Variants in WSCD2 observed in about 807,000 individuals in gnomAD.
The protein encoded by WSCD2 is WSC domain sialate O sulfotransferase 2, also known as sialate:O-sulfotransferase 2.
Under a neutral mutation model 55.7 loss-of-function variants are expected in WSCD2, and 28 were observed. The ratio of observed to expected loss-of-function variants is 0.50; its 90% CI spans 0.37 to 0.69. The LOEUF is 0.69. WSCD2 is among the 30% of genes least tolerant of loss of function. The pLI, the probability that WSCD2 is intolerant of heterozygous loss-of-function variation, is 0.00. For missense variants in WSCD2, 616 were observed against 762.1 expected (o/e 0.81, Z 2.26); for synonymous variants, 301 against 301.9 (o/e 1.00, Z 0.03).
At chr12:108,243,420 G>A (rs879263759) in intron 8 of WSCD2, among the ~76,000 whole-genome samples, 1 of 152,070 alleles carries the variant, frequency 6.6e-6, no homozygotes, top group Admixed American at 6.6e-5. Context: ...TGTATTTTTA[G>A]TAGAGACAGG....
chr12:108,198,331 G>A (rs942599027), intron 2 of WSCD2, among the ~76,000 whole-genome samples: 1 of 152,088 alleles, frequency 6.6e-6, no homozygotes, highest in Admixed American at 6.5e-5. Flanking sequence ...CCTTTGCCTG[G>A]AGTACCTCTA....
At position 108,248,065 on chromosome 12, in the gene WSCD2, A is replaced by G; in HGVS notation, c.1420A>G (p.Lys474Glu). ...ACTGGACTGGCTCAAGTTTGGCAAGAAGGTGCTGGTGGTGCACTTTGAGGA... is the reference window on the plus strand; with the variant it reads ...ACTGGACTGGCTCAAGTTTGGCAAGGAGGTGCTGGTGGTGCACTTTGAGGA... ...HTLDWLKFGK[K>E]VLVVHFEDLK... The change falls in exon 9 of 9, where the codon AAG becomes GAG. Residue 474 changes from lysine (K) to glutamate (E), a missense_variant. Lys to Glu is a moderately conservative substitution (Grantham distance 56). Transcript: ENST00000547525. This position sits in a 1 kb window ranked among gnomAD's most constrained non-coding sequence, Gnocchi z 4.3. 3.7e-6 allele frequency: 6 copies of G among 1,614,202 alleles called. No homozygotes were observed. Among genetic ancestry groups the G allele is most frequent in the Non-Finnish European group, 5.1e-6 (6 of 1,180,024 alleles).
chr12:108,177,924 T>C (rs897110899), intron 1 of WSCD2, among the ~76,000 whole-genome samples: 4 of 151,924 alleles, frequency 2.6e-5, no homozygotes, highest in African/African-American at 9.7e-5. Flanking sequence ...CCTGGGTGTG[T>C]ACATATGTGA....
rs201772868 is a variant in WSCD2, at chr12:108,248,008, A to G, written c.1363A>G (p.Arg455Gly). Reference protein sequence around the residue: ...WKGKEWPEFVRNYAPWWATHT... With the variant: ...WKGKEWPEFVGNYAPWWATHT... ...CTCTGCAGAGTGGCCAGAGTTCGTG[A>G]GGAACTATGCCCCGTGGTGGGCCAC... Residue 455 changes from arginine to glycine, a missense_variant, in exon 9 of 9, where the codon AGG becomes GGG. By Grantham distance (125) the Arg-to-Gly change is moderately radical. Transcript: ENST00000547525. This position sits in a 1 kb window ranked among gnomAD's most constrained non-coding sequence, Gnocchi z 4.3. 171 of 1,612,668 alleles carry G rather than the reference A, an allele frequency of 1.1e-4. No individual in the cohort carries two copies. The Middle Eastern group carries it at 1.8e-3, about 17-fold the overall frequency.
rs138523163 is a variant in WSCD2, at chr12:108,248,142, C to T, written c.1497C>T (p.Gly499=). 3.0e-4 allele frequency: 484 copies of T among 1,614,172 alleles called. 1 individual carries two copies. In the African/African-American group the frequency reaches 5.2e-3, roughly 17 times the overall value. ...VQLGRMVSLL[G]VAVREDRLLC... ...TGGGCCGGATGGTCAGCCTGCTGGG[C>T]GTGGCTGTCAGGGAGGACCGGCTGC... Residue 499 remains glycine, a synonymous_variant, in exon 9 of 9, where the codon GGC becomes GGT. Transcript: ENST00000547525. This position sits in a 1 kb window ranked among gnomAD's most constrained non-coding sequence, Gnocchi z 4.3.
intron 1 of WSCD2, among the ~76,000 whole-genome samples, chr12:108,162,343 G>A (rs1357889601): frequency 6.6e-6 from 1 of 152,096 alleles, no homozygotes; most frequent in Non-Finnish European, 1.5e-5. Context: ...TCAGACTCAC[G>A]GGTGGAATAA....
intron 1 of WSCD2, among the ~76,000 whole-genome samples, chr12:108,137,489 T>G (rs983915943): frequency 6.6e-6 from 1 of 151,996 alleles, no homozygotes; most frequent in African/African-American, 2.4e-5. Context: ...TGGTAGAGAG[T>G]GCACAGTGAC....
chr12:108,231,762 T>A (rs1888785871), intron 6 of WSCD2, among the ~76,000 whole-genome samples: 1 of 152,202 alleles, frequency 6.6e-6, no homozygotes, highest in Admixed American at 6.5e-5. Flanking sequence ...AAACACAATA[T>A]GGGCAGGGTT....
intron 1 of WSCD2, among the ~76,000 whole-genome samples, chr12:108,184,085 C>T (rs892448643): frequency 6.6e-6 from 1 of 152,212 alleles, no homozygotes; most frequent in Non-Finnish European, 1.5e-5. Context: ...CACCCTCCAC[C>T]TCCCCTTTAG....
chr12:108,218,664 A>G (rs1887122988), intron 4 of WSCD2, among the ~76,000 whole-genome samples: 1 of 152,190 alleles, frequency 6.6e-6, no homozygotes. Flanking sequence ...CTCTTAGAGG[A>G]TGCAAGGGTG....
intron 4 of WSCD2, among the ~76,000 whole-genome samples, chr12:108,220,831 C>T (rs1245613338): frequency 6.6e-6 from 1 of 152,132 alleles, no homozygotes; most frequent in Non-Finnish European, 1.5e-5. Context: ...ACTCACTGCA[C>T]CCTGCCAACA....
At position 108,248,446 on chromosome 12, in the gene WSCD2, G is replaced by A; in HGVS notation, c.*103G>A. ...CACTCATCTGTCCTCTCTTTGGTCT[G>A]GGGACAATCCCCTTGGCTGCTCTTT... On this transcript the variant is annotated 3_prime_UTR_variant, in exon 9 of 9. Transcript: ENST00000547525. This position sits in a 1 kb window ranked among gnomAD's most constrained non-coding sequence, Gnocchi z 4.3. The A allele has an allele frequency of 2.0e-6, 3 of 1,467,574 alleles. No individual in the cohort carries two copies. The highest frequency in any genetic ancestry group is 2.7e-6 in the Non-Finnish European group (3 of 1,110,454). The allele number at this position is 1,467,574 out of a possible 1,614,324, so 90.9% of individuals were successfully genotyped here.
chr12:108,178,944 C>T (rs1881280431), intron 1 of WSCD2, among the ~76,000 whole-genome samples: 1 of 152,192 alleles, frequency 6.6e-6, no homozygotes, highest in Non-Finnish European at 1.5e-5. Context: ...CTCACAACCT[C>T]TGAAGGAGAT....
chr12:108,248,208 A>G lies in WSCD2; in HGVS notation c.1563A>G (p.Ser521=). The G allele has an allele frequency of 6.2e-7, 1 of 1,614,218 alleles. No homozygotes were observed. The highest frequency in any genetic ancestry group is 8.5e-7 in the Non-Finnish European group (1 of 1,180,042). The change falls in exon 9 of 9, where the codon TCA becomes TCG. Residue 521 remains serine, a synonymous_variant. Coordinates refer to ENST00000547525, the MANE Select transcript of WSCD2 (RefSeq NM_014653.4). This position sits in a 1 kb window ranked among gnomAD's most constrained non-coding sequence, Gnocchi z 4.3. ...ESQKDGNFKR[S]GLRKLEYDPY... ...AGAAGGATGGCAACTTCAAGCGCTC[A>G]GGGCTCCGGAAGCTCGAGTATGACC...
At chr12:108,168,088 C>G (rs1310165603) in intron 1 of WSCD2, among the ~76,000 whole-genome samples, 2 of 152,210 alleles carry the variant, frequency 1.3e-5, no homozygotes, top group African/African-American at 4.8e-5. Flanking sequence ...TCAACTCATT[C>G]TTGTGCCACA....
chr12:108,137,734 A>C (rs1370136900), intron 1 of WSCD2, among the ~76,000 whole-genome samples: 1 of 152,240 alleles, frequency 6.6e-6, no homozygotes, highest in African/African-American at 2.4e-5. Flanking sequence ...AGCAAGGGCA[A>C]GGAATAATTC....
chr12:108,142,059 C>T (rs1278763675), intron 1 of WSCD2, among the ~76,000 whole-genome samples: 4 of 152,216 alleles, frequency 2.6e-5, no homozygotes, highest in Non-Finnish European at 5.9e-5. Flanking sequence ...TCTTAATCTG[C>T]TTTAAGTTGC....
intron 4 of WSCD2, among the ~76,000 whole-genome samples, chr12:108,212,616 C>CACAG (rs1431022051): frequency 0.01 from 521 of 51,930 alleles, 3 homozygotes; most frequent in African/African-American, 0.024. Context: ...CTCTCTCTCA[C>CACAG]ACACACACAC....
chr12:108,168,044 C>G (rs968263745), intron 1 of WSCD2, among the ~76,000 whole-genome samples: 7 of 152,194 alleles, frequency 4.6e-5, no homozygotes, highest in African/African-American at 1.4e-4. Context: ...AGCAATGGAG[C>G]AGGATTGAAG....
Sources: allele counts gnomAD v4.1 joint callset (sites outside exome capture counted in the v4.1 genomes callset), GRCh38; gene constraint gnomAD v4.1.1; non-coding constraint Gnocchi (gnomAD v3.1); transcripts MANE v1.5; gene names NCBI Gene and HGNC (gene_info 2026-07-23, HGNC 2026-07-21).